The following NALF1 variants were observed in gnomAD, a reference collection of about 807,000 sequenced individuals.
The protein encoded by NALF1 is NALCN channel auxiliary factor 1.
A neutral mutation model predicts 48.4 loss-of-function variants in NALF1; 3 were observed. The ratio of observed to expected loss-of-function variants is 0.06; its 90% CI spans 0.03 to 0.16. NALF1 has a LOEUF of 0.16. Among genes scored for constraint, NALF1 ranks in the 10% least tolerant of loss-of-function variants. The probability of loss-of-function intolerance (pLI) is 1.00; values close to 1 mark genes in which losing one functional copy is unlikely to be tolerated. For missense variants in NALF1, 526 were observed against 571.5 expected (o/e 0.92, Z 0.81); for synonymous variants, 262 against 245.7 (o/e 1.07, Z -0.62).
At chr13:107,827,119 A>G (rs961712817) in intron 1 of NALF1, among the ~76,000 whole-genome samples, 5 of 152,220 alleles carry the variant, frequency 3.3e-5, no homozygotes, top group African/African-American at 9.6e-5. Flanking sequence ...ATTAGGATTT[A>G]TGACTACAGA....
intron 1 of NALF1, among the ~76,000 whole-genome samples, chr13:107,845,910 T>G (rs1453998337): frequency 6.6e-6 from 1 of 152,178 alleles, no homozygotes; most frequent in Non-Finnish European, 1.5e-5. Context: ...AAGATAATGG[T>G]AGAGTTGAAT....
chr13:107,644,967 G>T (rs1880276264), intron 1 of NALF1, among the ~76,000 whole-genome samples: 1 of 151,912 alleles, frequency 6.6e-6, no homozygotes, highest in Admixed American at 6.6e-5. Flanking sequence ...TTGCTATTTT[G>T]TGTATTAAGA....
intron 1 of NALF1, among the ~76,000 whole-genome samples, chr13:107,781,896 A>G (rs1055638711): frequency 2.6e-5 from 4 of 152,238 alleles, no homozygotes; most frequent in African/African-American, 9.6e-5. Flanking sequence ...TGTTGAATGA[A>G]TAAATGAACC....
intron 1 of NALF1, among the ~76,000 whole-genome samples, chr13:107,555,131 G>A (rs1323596901): frequency 6.6e-6 from 1 of 151,938 alleles, no homozygotes; most frequent in Non-Finnish European, 1.5e-5. Context: ...CATTAAGCAG[G>A]CTGCTTAATT....
intron 1 of NALF1, among the ~76,000 whole-genome samples, chr13:107,569,397 G>A (rs1412628342): frequency 4.6e-5 from 7 of 151,936 alleles, no homozygotes; most frequent in South Asian, 2.1e-4. Flanking sequence ...ACGTGAACCC[G>A]GGGGGCGGAG....
At chr13:107,650,031 G>A (rs1880406808) in intron 1 of NALF1, among the ~76,000 whole-genome samples, 2 of 152,100 alleles carry the variant, frequency 1.3e-5, no homozygotes, top group Admixed American at 6.5e-5. Flanking sequence ...AAGGCACTCT[G>A]GATTTTAAGC....
At chr13:107,329,362 C>G (rs1253574397) in intron 1 of NALF1, among the ~76,000 whole-genome samples, 1 of 152,086 alleles carries the variant, frequency 6.6e-6, no homozygotes, top group East Asian at 1.9e-4. Flanking sequence ...AGCACTCTAC[C>G]TAAGTCATGG....
intron 1 of NALF1, among the ~76,000 whole-genome samples, chr13:107,308,962 GTTTA>G (rs1881993637): frequency 6.6e-6 from 1 of 152,162 alleles, no homozygotes; most frequent in Non-Finnish European, 1.5e-5. Context: ...GAGGTGTTGA[GTTTA>G]TTTGATTTCT....
chr13:107,668,913 T>C (rs773100603), intron 1 of NALF1, among the ~76,000 whole-genome samples: 1 of 152,058 alleles, frequency 6.6e-6, no homozygotes, highest in Non-Finnish European at 1.5e-5. Context: ...TACCAAGTAT[T>C]AGAATGATCT....
Position 107,164,459 on chromosome 13 carries a change from T to C in NALF1, c.*6038A>G, listed in dbSNP as rs1024817081. 4 of 152,074 alleles carry C rather than the reference T, an allele frequency of 2.6e-5. No individual in the cohort carries two copies. Among genetic ancestry groups the C allele is most frequent in the African/African-American group, 7.2e-5 (3 of 41,410 alleles). 9.4% of individuals were successfully genotyped at this position (152,074 alleles called of 1,614,324 possible). On this transcript the variant is annotated 3_prime_UTR_variant, in exon 3 of 3. Transcript: ENST00000375915. ...AACATTTTCATGTTTAAAATTACTATAGTTTTTTTAAGGAATTCAGAGGCA... is the reference window on the plus strand; with the variant it reads ...AACATTTTCATGTTTAAAATTACTACAGTTTTTTTAAGGAATTCAGAGGCA...
intron 1 of NALF1, among the ~76,000 whole-genome samples, chr13:107,274,702 A>C (rs898787612): frequency 6.6e-6 from 1 of 152,224 alleles, no homozygotes; most frequent in South Asian, 2.1e-4. Context: ...GAAAGCAACA[A>C]AAGTTTTTAG....
rs1424148970 is a variant in NALF1 at position 107,488,940 on chromosome 13, T to G, written c.916-278185A>C. 5.3e-5 allele frequency among the ~76,000 whole-genome samples: 8 copies of G among 152,074 alleles called. No homozygotes were observed. The South Asian group carries it at 1.7e-3, about 31-fold the overall frequency. The stretch of plus-strand genomic sequence containing the variant: ...TTTTAGCAGTCTCAGGATACAAAAT[T>G]AACGTGCAAAAATTGCTAGCATTCC... On this transcript the variant is annotated intron_variant, in intron 1 of 2. Coordinates refer to ENST00000375915, the MANE Select transcript of NALF1 (RefSeq NM_001080396.3).
intron 1 of NALF1, among the ~76,000 whole-genome samples, chr13:107,467,330 C>CTAAGAGACTAAGGTTATTTCATTAG (rs1430830660): frequency 6.6e-6 from 1 of 152,146 alleles, no homozygotes; most frequent in Non-Finnish European, 1.5e-5. Context: ...ACTTTCATTA[C>CTAAGAGACTAAGGTTATTTCATTAG]TAAGAGACTA....
chr13:107,704,065 G>C (rs1201603340), intron 1 of NALF1, among the ~76,000 whole-genome samples: 2 of 152,066 alleles, frequency 1.3e-5, no homozygotes, highest in African/African-American at 4.8e-5. Context: ...CTGTCTTCTA[G>C]AGTCCAGTGC....
In NALF1 at chr13:107,866,763, TCTCTCTCC is replaced by T. The variant is rs1880748024; in HGVS notation, c.-175_-168del. 3.3e-6 allele frequency: 2 copies of T among 603,904 alleles called. No homozygotes were observed. The highest frequency in any genetic ancestry group is 5.8e-6 in the Non-Finnish European group (2 of 342,952). The allele number at this position is 603,904 out of a possible 1,614,324, so 37.4% of individuals were successfully genotyped here. On this transcript the variant is annotated 5_prime_UTR_variant, in exon 1 of 3. Transcript: ENST00000375915. This position sits in a 1 kb window ranked among gnomAD's most constrained non-coding sequence, Gnocchi z 4.4. Reference sequence around the variant, plus strand: ...TTCCCCTCTCCCTCTCTCCTCTCTCTCTCTCTCCCTCTCCCTCTCTTTTATCTCTCTCT... The same window carrying T: ...TTCCCCTCTCCCTCTCTCCTCTCTCTCTCTCCCTCTCTTTTATCTCTCTCT...
At chr13:107,687,892 T>C (rs1442605493) in intron 1 of NALF1, among the ~76,000 whole-genome samples, 1 of 152,208 alleles carries the variant, frequency 6.6e-6, no homozygotes, top group Non-Finnish European at 1.5e-5. Context: ...GAGATGTCTT[T>C]GGAACAGCAC....
chr13:107,553,201 C>T (rs997141009), intron 1 of NALF1, among the ~76,000 whole-genome samples: 1 of 152,072 alleles, frequency 6.6e-6, no homozygotes, highest in Non-Finnish European at 1.5e-5. Flanking sequence ...AATTTAGAAA[C>T]GCATTGCTAA....
At chr13:107,802,740 A>G (rs1196347733) in intron 1 of NALF1, among the ~76,000 whole-genome samples, 1 of 152,186 alleles carries the variant, frequency 6.6e-6, no homozygotes, top group Non-Finnish European at 1.5e-5. Context: ...GTTAGGGTGT[A>G]GAAGGATAAC....
chr13:107,678,430 A>G (rs61966007), intron 1 of NALF1, among the ~76,000 whole-genome samples: 22,876 of 152,160 alleles, frequency 0.15, 2,235 homozygotes, highest in Admixed American at 0.23. Flanking sequence ...ACCCACAGAC[A>G]TGGTGCCTGA....
Sources: allele counts gnomAD v4.1 joint callset (sites outside exome capture counted in the v4.1 genomes callset), GRCh38; gene constraint gnomAD v4.1.1; non-coding constraint Gnocchi (gnomAD v3.1); transcripts MANE v1.5; gene names NCBI Gene and HGNC (gene_info 2026-07-23, HGNC 2026-07-21).